Variants in PNKD observed in about 807,000 individuals in gnomAD.
PNKD encodes the protein probable thioesterase PNKD.
PNKD carries 36 observed loss-of-function variants against 45.3 expected under a neutral mutation model. The ratio of observed to expected loss-of-function variants is 0.80; its 90% CI spans 0.61 to 1.05. PNKD has a LOEUF of 1.05. Ranked by LOEUF, PNKD falls within the 50% of genes least tolerant of loss-of-function variation. The pLI, the probability that PNKD is intolerant of heterozygous loss-of-function variation, is 0.00. For synonymous variants in PNKD, 197 were observed against 210.1 expected (o/e 0.94, Z 0.54); for missense variants, 511 against 506.6 (o/e 1.01, Z -0.08).
At chr2:218,281,417 G>A (rs149750914) in intron 2 of PNKD, among the ~76,000 whole-genome samples, 245 of 152,274 alleles carry the variant, frequency 1.6e-3, no homozygotes, top group African/African-American at 5.1e-3. Context: ...GATTACAGGC[G>A]TGAGCCACCG....
chr2:218,301,670 C>T (rs888152965), intron 2 of PNKD, among the ~76,000 whole-genome samples: 8 of 152,060 alleles, frequency 5.3e-5, no homozygotes, highest in African/African-American at 1.9e-4. Flanking sequence ...GCCTGTAGTC[C>T]CAGCTACTTG....
rs1166017790 is a variant in PNKD, at chr2:218,342,117, G to T, written c.754G>T (p.Gly252Trp). Residue 252 changes from glycine to tryptophan, a missense_variant, in exon 7 of 10, where the codon GGG (glycine) becomes TGG (tryptophan). By Grantham distance (184) the Gly-to-Trp change is radical. Coordinates refer to ENST00000273077, the MANE Select transcript of PNKD (RefSeq NM_015488.5). ...CAAGGGTCCCTCCTGCCTCTTCTCAGGGGACCTGCTCTTCCTCTCTGGCTG... is the reference window on the plus strand; with the variant it reads ...CAAGGGTCCCTCCTGCCTCTTCTCATGGGACCTGCTCTTCCTCTCTGGCTG... The part of the protein sequence containing the change: ...PYKGPSCLFS[G>W]DLLFLSGCGR... The T allele has an allele frequency of 1.1e-5, 17 of 1,613,610 alleles. No individual in the cohort carries two copies. The highest frequency in any genetic ancestry group is 1.4e-5 in the Non-Finnish European group (16 of 1,179,914).
chr2:218,314,375 C>T (rs1693709478), intron 2 of PNKD, among the ~76,000 whole-genome samples: 1 of 151,902 alleles, frequency 6.6e-6, no homozygotes, highest in East Asian at 1.9e-4. Flanking sequence ...GCGTGTACCA[C>T]CAAGCCTGGC....
chr2:218,298,768 G>A (rs1693203949), intron 2 of PNKD, among the ~76,000 whole-genome samples: 1 of 152,028 alleles, frequency 6.6e-6, no homozygotes, highest in African/African-American at 2.4e-5. Context: ...GAATACCGGG[G>A]GATTCTCAGC....
At position 218,343,523 on chromosome 2, in the gene PNKD, G is replaced by A; in HGVS notation, c.805G>A (p.Glu269Lys). ...GCGRTFEGNAETMLSSLDTVL... is the reference protein window; with the variant it reads ...GCGRTFEGNAKTMLSSLDTVL... ...AGGGCGGACCTTTGAGGGCAATGCA[G>A]AGACCATGCTGAGCTCACTGGACAC... Residue 269 changes from glutamate to lysine, a missense_variant, in exon 8 of 10, where the codon GAG (glutamate) becomes AAG (lysine). By Grantham distance (56) the Glu-to-Lys change is moderately conservative. Transcript: ENST00000273077. The A allele has an allele frequency of 6.2e-7, 1 of 1,613,704 alleles. No individual in the cohort carries two copies. Among genetic ancestry groups the A allele is most frequent in the Non-Finnish European group, 8.5e-7 (1 of 1,179,824 alleles).
rs532115515 is a variant in PNKD at position 218,280,247 on chromosome 2, G to C, written c.236+8698G>C. 5 of 734,710 alleles carry C rather than the reference G, an allele frequency of 6.8e-6. No individual in the cohort carries two copies. In the East Asian group the frequency reaches 1.1e-4, roughly 16 times the overall value. 45.5% of individuals were successfully genotyped at this position (734,710 alleles called of 1,614,324 possible). ...AGCCAAAAGACAAGTGTTATAACAG[G>C]AACTCTTCTCCCAAGCTGGGGTCTT... On this transcript the variant is annotated intron_variant, in intron 2 of 9. Transcript: ENST00000273077.
intron 2 of PNKD, among the ~76,000 whole-genome samples, chr2:218,310,414 G>A (rs751546696): frequency 6.6e-6 from 1 of 151,596 alleles, no homozygotes; most frequent in Non-Finnish European, 1.5e-5. Flanking sequence ...AGTAGAGATG[G>A]GGTTTCACCA....
intron 2 of PNKD, among the ~76,000 whole-genome samples, chr2:218,284,761 C>T (rs1332914123): frequency 6.6e-6 from 1 of 152,166 alleles, no homozygotes; most frequent in Non-Finnish European, 1.5e-5. Flanking sequence ...AGTAATAGTA[C>T]CCTCCACGGG....
intron 2 of PNKD, among the ~76,000 whole-genome samples, chr2:218,321,451 G>C (rs936470865): frequency 9.2e-5 from 14 of 152,112 alleles, no homozygotes; most frequent in Non-Finnish European, 2.1e-4. Flanking sequence ...GCAGGCCATA[G>C]GCTCTGTCCC....
rs866593487 is a variant in PNKD, at chr2:218,323,490, A to T, written c.237-16293A>T. 9 of 1,243,696 alleles carry T rather than the reference A, an allele frequency of 7.2e-6. No homozygotes were observed. The African/African-American group carries it at 1.3e-4, about 18-fold the overall frequency. The allele number at this position is 1,243,696 out of a possible 1,614,324, so 77.0% of individuals were successfully genotyped here. On this transcript the variant is annotated intron_variant, in intron 2 of 9. Coordinates refer to ENST00000273077, the MANE Select transcript of PNKD (RefSeq NM_015488.5). ...GGAGGCGGGCGCGCTGGGAGAGGGGACTGGGAGGCGGGGGCTGGAGCTGGG... is the reference window on the plus strand; with the variant it reads ...GGAGGCGGGCGCGCTGGGAGAGGGGTCTGGGAGGCGGGGGCTGGAGCTGGG...
chr2:218,270,821 G>A (rs2106176800), intron 1 of PNKD: 1 of 401,646 alleles, frequency 2.5e-6, no homozygotes, highest in East Asian at 3.6e-5. Context: ...GCAAGAGGGA[G>A]CTCCTAGGAA....
intron 2 of PNKD, among the ~76,000 whole-genome samples, chr2:218,305,705 GC>G (rs773171553): frequency 6.2e-4 from 95 of 152,200 alleles, no homozygotes; most frequent in Admixed American, 1.2e-3. Context: ...CTCTGGGTGT[GC>G]CCCCTTCCGC....
chr2:218,275,751 C>T, intron 2 of PNKD: 1 of 1,149,338 alleles, frequency 8.7e-7, no homozygotes, highest in Non-Finnish European at 1.2e-6. Context: ...CACAGCATAA[C>T]ATATGGGCTC....
chr2:218,340,185 G>C lies in PNKD; in HGVS notation c.465+44G>C, dbSNP rs774559615. ...GCAGGGGGTGCCTGGAGTCACCTTG[G>C]GGACTGGCAGTTTCGCCTTGCTAGA... On this transcript the variant is annotated intron_variant, in intron 4 of 9. Coordinates refer to ENST00000273077, the MANE Select transcript of PNKD (RefSeq NM_015488.5). This position sits in a 1 kb window ranked among gnomAD's most constrained non-coding sequence, Gnocchi z 4.2. 22 of 1,247,250 alleles carry C rather than the reference G, an allele frequency of 1.8e-5. No individual in the cohort carries two copies. Among genetic ancestry groups the C allele is most frequent in the Non-Finnish European group, 2.6e-5 (22 of 849,688 alleles). The allele number at this position is 1,247,250 out of a possible 1,614,324, so 77.3% of individuals were successfully genotyped here.
In PNKD at chr2:218,326,418, G is replaced by T. The variant is rs544601458; in HGVS notation, c.237-13365G>T. On this transcript the variant is annotated intron_variant, in intron 2 of 9. Coordinates refer to ENST00000273077, the MANE Select transcript of PNKD (RefSeq NM_015488.5). The surrounding 1 kb of genome is among the most constrained non-coding windows in gnomAD (Gnocchi z 4.1). ...GATTGTAGCAAAGCACACAGCATGTGGGGTCGAACAAATCTGCTTTTGCAT... is the reference window on the plus strand; with the variant it reads ...GATTGTAGCAAAGCACACAGCATGTTGGGTCGAACAAATCTGCTTTTGCAT... 3.7e-4 allele frequency among the ~76,000 whole-genome samples: 56 copies of T among 152,284 alleles called. No individual in the cohort carries two copies. Among genetic ancestry groups the T allele is most frequent in the African/African-American group, 1.3e-3 (55 of 41,554 alleles).
At chr2:218,319,805 G>T (rs1314622701) in intron 2 of PNKD, among the ~76,000 whole-genome samples, 1 of 152,236 alleles carries the variant, frequency 6.6e-6, no homozygotes, top group Admixed American at 6.5e-5. Flanking sequence ...TCTGGGAGGC[G>T]AAATCGCCAC....
At chr2:218,324,229 C>T (rs1439459588) in intron 2 of PNKD, among the ~76,000 whole-genome samples, 1 of 152,212 alleles carries the variant, frequency 6.6e-6, no homozygotes, top group Non-Finnish European at 1.5e-5. Context: ...GCCCCCTGTC[C>T]CCTTCCTACT....
chr2:218,328,593 T>C (rs958097900), intron 2 of PNKD, among the ~76,000 whole-genome samples: 1 of 152,196 alleles, frequency 6.6e-6, no homozygotes. Flanking sequence ...CTTTTGTAAT[T>C]CCTAAGTATG....
intron 2 of PNKD, among the ~76,000 whole-genome samples, chr2:218,291,163 A>G (rs1307914409): frequency 6.6e-6 from 1 of 152,186 alleles, no homozygotes; most frequent in Admixed American, 6.5e-5. Context: ...CTTACAGGAT[A>G]ACCCATCATT....
Sources: gnomAD v4.1 joint callset for allele counts (sites outside exome capture counted in the v4.1 genomes callset) on GRCh38, gnomAD v4.1.1 for gene constraint, Gnocchi (gnomAD v3.1) non-coding constraint, MANE v1.5 for transcripts, NCBI Gene and HGNC (gene_info 2026-07-23, HGNC 2026-07-21) for gene names.